The following DNAH14 variants were observed in gnomAD, a reference collection of about 807,000 sequenced individuals.
DNAH14 encodes the protein dynein axonemal heavy chain 14.
Under a neutral mutation model 520.9 loss-of-function variants are expected in DNAH14, and 478 were observed. The ratio of observed to expected loss-of-function variants is 0.92; its 90% CI spans 0.85 to 0.99. DNAH14 has a LOEUF of 0.99. Among genes scored for constraint, DNAH14 ranks in the 50% least tolerant of loss-of-function variants. The pLI, the probability that DNAH14 is intolerant of heterozygous loss-of-function variation, is 0.00. For missense variants in DNAH14, 4,831 were observed against 5,234.5 expected, an observed-to-expected ratio of 0.92 and a Z score of 2.38; for synonymous variants, 1,581 against 1,757.2, an observed-to-expected ratio of 0.90 and a Z score of 2.51.
chr1:225,205,545 A>C (rs571715767), intron 39 of DNAH14, among the ~76,000 whole-genome samples: 1 of 152,352 alleles, frequency 6.6e-6, no homozygotes, highest in East Asian at 1.9e-4. Flanking sequence ...AATGGGTTCC[A>C]AATATAGTAT....
At chr1:225,367,678 C>T in intron 76 of DNAH14, 127 bp from the exon 77 acceptor site, 1 of 667,524 alleles carries the variant, frequency 1.5e-6, no homozygotes, top group Non-Finnish European at 2.5e-6. Flanking sequence ...TTGGATTTGC[C>T]AGTGAATCTT....
chr1:224,949,523 A>T (rs1406159685), intron 1 of DNAH14, among the ~76,000 whole-genome samples: 2 of 152,098 alleles, frequency 1.3e-5, no homozygotes, highest in African/African-American at 2.4e-5. Flanking sequence ...TTATTACTTT[A>T]TTCTTTGTAA....
chr1:225,322,065 A>ACTTTT (rs2094563897), intron 61 of DNAH14, among the ~76,000 whole-genome samples: 1 of 138,702 alleles, frequency 7.2e-6, no homozygotes, highest in Admixed American at 7.2e-5. Context: ...TACAGTGAAG[A>ACTTTT]CTTTTCTTTT....
chr1:225,066,464 C>T (rs1157814815), intron 17 of DNAH14, among the ~76,000 whole-genome samples: 1 of 151,766 alleles, frequency 6.6e-6, no homozygotes. Flanking sequence ...TTACAGTTTT[C>T]AGTCTTCATT....
chr1:225,159,947 C>G (rs899232105), intron 35 of DNAH14, among the ~76,000 whole-genome samples: 1 of 151,982 alleles, frequency 6.6e-6, no homozygotes, highest in Non-Finnish European at 1.5e-5. Context: ...TAGGTAAGAA[C>G]TCAATGTCTC....
intron 77 of DNAH14, among the ~76,000 whole-genome samples, chr1:225,369,513 T>C (rs1251230704): frequency 6.6e-6 from 1 of 151,896 alleles, no homozygotes; most frequent in African/African-American, 2.4e-5. Flanking sequence ...CATGTATATA[T>C]ACACTGGTAT....
At chr1:225,051,856 A>G (rs1199745584) in intron 17 of DNAH14, 61 bp downstream of exon 17, 26 of 1,184,716 alleles carry the variant, frequency 2.2e-5, no homozygotes, top group Non-Finnish European at 2.9e-5. Context: ...TTTTAAATTT[A>G]AAATATGTAC....
intron 38 of DNAH14, among the ~76,000 whole-genome samples, chr1:225,196,920 G>A (rs1204638614): frequency 6.6e-6 from 1 of 151,610 alleles, no homozygotes; most frequent in African/African-American, 2.4e-5. Context: ...TAATTCACTT[G>A]AGTTTGTTGT....
At chr1:224,968,532 A>G (rs537903554) in intron 6 of DNAH14, among the ~76,000 whole-genome samples, 1 of 152,256 alleles carries the variant, frequency 6.6e-6, no homozygotes, top group African/African-American at 2.4e-5. Context: ...TCTCTGTTGG[A>G]GCACAAGAAA....
Position 225,050,334 on chromosome 1 carries a change from T to C in DNAH14, c.2037T>C (p.Asp679=). 6.5e-7 allele frequency: 1 copy of C among 1,547,640 alleles called. No individual in the cohort carries two copies. Among genetic ancestry groups the C allele is most frequent in the Non-Finnish European group, 8.7e-7 (1 of 1,145,752 alleles). Residue 679 remains aspartate, a synonymous_variant, in exon 16 of 86, where the codon GAT becomes GAC. Transcript: ENST00000682510. ...ATAAAGAGCAGACCAGATGGCCAGA[T>C]TGTCACATCCTTTTTGAAACAGATC... The part of the protein sequence containing the change: ...IHYKEQTRWP[D]CHILFETDPA...
chr1:225,272,895 G>A (rs1045551052), intron 51 of DNAH14, 60 bp from the exon 52 acceptor site: 5 of 1,419,594 alleles, frequency 3.5e-6, no homozygotes, highest in East Asian at 5.5e-5. Context: ...TTGAGCCTTC[G>A]CTTCACATAC....
intron 10 of DNAH14, among the ~76,000 whole-genome samples, chr1:225,018,282 A>C: frequency 6.6e-6 from 1 of 152,228 alleles, no homozygotes; most frequent in East Asian, 1.9e-4. Flanking sequence ...GCATTAGACC[A>C]AGCTGAGGAA....
intron 9 of DNAH14, among the ~76,000 whole-genome samples, chr1:225,006,051 A>G (rs1261024055): frequency 2.0e-5 from 3 of 152,214 alleles, no homozygotes; most frequent in Non-Finnish European, 2.9e-5. Context: ...GACATTTATT[A>G]GTTCCCCAGA....
chr1:225,022,981 GAC>G (rs2065829307), intron 10 of DNAH14, among the ~76,000 whole-genome samples: 1 of 152,196 alleles, frequency 6.6e-6, no homozygotes. Context: ...TAAGCAAACT[GAC>G]ACAGGAACAG....
intron 69 of DNAH14, 108 bp from the exon 70 acceptor site, chr1:225,345,854 A>T: frequency 1.2e-6 from 1 of 869,146 alleles, no homozygotes. Flanking sequence ...ACATAAAGCC[A>T]ATAAGAAGCC....
At chr1:225,285,366 G>A (rs1156433967) in intron 54 of DNAH14, among the ~76,000 whole-genome samples, 1 of 150,850 alleles carries the variant, frequency 6.6e-6, no homozygotes, top group Non-Finnish European at 1.5e-5. Flanking sequence ...CTGGCCAACA[G>A]GGTGAAACTC....
At chr1:225,252,631 AT>A (rs1032782584) in intron 44 of DNAH14, among the ~76,000 whole-genome samples, 3 of 152,176 alleles carry the variant, frequency 2.0e-5, no homozygotes, top group African/African-American at 7.2e-5. Flanking sequence ...AATTTAGAGT[AT>A]ATTTTATTGA....
At chr1:225,111,144 G>A (rs1018902027) in intron 23 of DNAH14, among the ~76,000 whole-genome samples, 10 of 152,074 alleles carry the variant, frequency 6.6e-5, no homozygotes, top group African/African-American at 2.4e-4. Flanking sequence ...TTGGTCTATT[G>A]TGCAGATTAA....
At chr1:224,967,330 A>G in intron 5 of DNAH14, 101 bp from the exon 6 acceptor site, 1 of 735,624 alleles carries the variant, frequency 1.4e-6, no homozygotes, top group Non-Finnish European at 2.0e-6. Context: ...TCTGTATTAA[A>G]ATTGTTTCAA....
Sources: gnomAD v4.1 joint callset for allele counts (sites outside exome capture counted in the v4.1 genomes callset) on GRCh38, gnomAD v4.1.1 for gene constraint, MANE v1.5 for transcripts, NCBI Gene and HGNC (gene_info 2026-07-23, HGNC 2026-07-21) for gene names.